MOCOS: variants seen among roughly 807,000 people sequenced by gnomAD.
MOCOS encodes human molybdenum cofactor sulfurase.
A neutral mutation model predicts 83.6 loss-of-function variants in MOCOS; 86 were observed. The observed-to-expected ratio is 1.03, with a 90% CI of 0.86 to 1.23. The LOEUF (loss-of-function observed/expected upper bound fraction) is 1.23. Among genes scored for constraint, MOCOS ranks in the 50% most tolerant of loss-of-function variants. MOCOS has a pLI of 0.00. For missense variants in MOCOS, 1,120 were observed against 1,126.9 expected (o/e 0.99, Z 0.09); for synonymous variants, 445 against 434.7 (o/e 1.02, Z -0.29).
chr18:36,208,857 C>T (rs1477767805), intron 6 of MOCOS, among the ~76,000 whole-genome samples: 2 of 152,140 alleles, frequency 1.3e-5, no homozygotes, highest in East Asian at 1.9e-4. Context: ...GAGAGGTCAT[C>T]CTTATCTTGT....
chr18:36,208,467 A>G (rs1568052534), intron 6 of MOCOS, among the ~76,000 whole-genome samples: 2 of 151,936 alleles, frequency 1.3e-5, no homozygotes, highest in South Asian at 4.2e-4. Flanking sequence ...GTGGTGTGTG[A>G]TTTCTTTTAG....
intron 11 of MOCOS, among the ~76,000 whole-genome samples, chr18:36,254,181 C>G (rs1252768266): frequency 1.3e-5 from 2 of 152,106 alleles, no homozygotes; most frequent in African/African-American, 4.8e-5. Flanking sequence ...AGCCATTGGT[C>G]TTGAAACAGT....
chr18:36,220,970 T>C (rs1268044424), intron 9 of MOCOS, among the ~76,000 whole-genome samples: 1 of 151,942 alleles, frequency 6.6e-6, no homozygotes, highest in African/African-American at 2.4e-5. Flanking sequence ...ATTAATTAGA[T>C]GATGTCCTAT....
At chr18:36,228,836 G>GAAAAA (rs34976015) in intron 9 of MOCOS, among the ~76,000 whole-genome samples, 2 of 116,418 alleles carry the variant, frequency 1.7e-5, no homozygotes, top group African/African-American at 3.3e-5. Context: ...CTTAAAAGTT[G>GAAAAA]AAAAAAAAAA....
At chr18:36,246,286 T>A (rs1202037693) in intron 9 of MOCOS, among the ~76,000 whole-genome samples, 1 of 152,234 alleles carries the variant, frequency 6.6e-6, no homozygotes. Context: ...ACTCAAGGGC[T>A]GCTATTCACA....
rs144724723 is a variant in MOCOS at position 36,269,546 on chromosome 18, T to A, written c.*861T>A. ...AAAATGTCCAGTGAGGAAATCTCAT[T>A]CTCTAATGAAGTTACCCATCCCGCT... On this transcript the variant is annotated 3_prime_UTR_variant, in exon 15 of 15. Transcript: ENST00000261326. 6.6e-6 allele frequency: 1 copy of A among 152,338 alleles called. No homozygotes were observed. The highest frequency in any genetic ancestry group is 1.5e-5 in the Non-Finnish European group (1 of 68,062). The allele number at this position is 152,338 out of a possible 1,614,324, so 9.4% of individuals were successfully genotyped here. A position where few individuals can be genotyped will look rare whatever the true frequency, so the allele number is the denominator to read the frequency against.
chr18:36,193,235 CG>C (rs2091373203), intron 1 of MOCOS, among the ~76,000 whole-genome samples: 1 of 137,468 alleles, frequency 7.3e-6, no homozygotes, highest in South Asian at 2.5e-4. Context: ...GGTGTGAACC[CG>C]GGAAGCGGAG....
chr18:36,221,573 A>G (rs978034517), intron 9 of MOCOS, among the ~76,000 whole-genome samples: 1 of 151,652 alleles, frequency 6.6e-6, no homozygotes, highest in African/African-American at 2.4e-5. Flanking sequence ...ACATTTCCAT[A>G]TATTCACGAT....
At chr18:36,240,185 C>A (rs550398686) in intron 9 of MOCOS, among the ~76,000 whole-genome samples, 155 of 138,998 alleles carry the variant, frequency 1.1e-3, no homozygotes, top group Admixed American at 3.3e-3. Context: ...TGAGGAGCTG[C>A]GTTCCTTTGG....
intron 9 of MOCOS, among the ~76,000 whole-genome samples, chr18:36,238,426 C>T (rs1339064735): frequency 5.3e-5 from 8 of 150,458 alleles, no homozygotes; most frequent in Admixed American, 1.3e-4. Context: ...TGTTCAGTTT[C>T]CATGTAGTTG....
chr18:36,198,616 A>C, intron 2 of MOCOS, 74 bp from the exon 3 acceptor site: 1 of 1,414,950 alleles, frequency 7.1e-7, no homozygotes, highest in Non-Finnish European at 1.0e-6. Flanking sequence ...AAACTGAGGG[A>C]GTGGATTCAG....
intron 1 of MOCOS, among the ~76,000 whole-genome samples, chr18:36,192,192 T>A (rs1195179294): frequency 6.6e-6 from 1 of 152,236 alleles, no homozygotes; most frequent in African/African-American, 2.4e-5. Context: ...AATAATGTAA[T>A]TTTGTGTATA....
chr18:36,213,881 A>T (rs2091465161), intron 7 of MOCOS, among the ~76,000 whole-genome samples: 1 of 150,826 alleles, frequency 6.6e-6, no homozygotes, highest in Non-Finnish European at 1.5e-5. Context: ...GTGAGCCGAG[A>T]TCGCACCATT....
chr18:36,258,901 T>G (rs1224729173), intron 12 of MOCOS, among the ~76,000 whole-genome samples: 1 of 152,162 alleles, frequency 6.6e-6, no homozygotes, highest in Non-Finnish European at 1.5e-5. Flanking sequence ...AAGAATGTAC[T>G]CCAGAAACCT....
intron 11 of MOCOS, among the ~76,000 whole-genome samples, chr18:36,251,700 C>G (rs748517181): frequency 5.9e-5 from 9 of 152,190 alleles, no homozygotes; most frequent in Non-Finnish European, 1.0e-4. Context: ...CCCATGGTGC[C>G]TCAACTTCTA....
chr18:36,194,453 T>C (rs549093484), intron 1 of MOCOS, among the ~76,000 whole-genome samples: 2 of 152,312 alleles, frequency 1.3e-5, no homozygotes, highest in African/African-American at 4.8e-5. Context: ...CATTGATGGA[T>C]ATTTAAGTTG....
intron 9 of MOCOS, among the ~76,000 whole-genome samples, chr18:36,241,900 G>T (rs2091584862): frequency 6.6e-6 from 1 of 152,220 alleles, no homozygotes; most frequent in African/African-American, 2.4e-5. Flanking sequence ...GCCACAGCTG[G>T]ATTGCGAGTG....
At position 36,200,091 on chromosome 18, in the gene MOCOS, GC is replaced by G. The variant is rs1175961463; in HGVS notation, c.709del (p.Leu237TrpfsTer7). 6.2e-7 allele frequency: 1 copy of G among 1,614,068 alleles called. No individual in the cohort carries two copies. The highest frequency in any genetic ancestry group is 1.3e-5 in the African/African-American group (1 of 74,932). ...VSTPGKWFVL[L>X]DAASYVSTSP... is the part of the protein sequence containing the mutation. ...GCACGCCTGGGAAGTGGTTTGTGCT[GC>G]TGGATGCAGCCTCCTACGTGAGCAC... On this transcript the variant is annotated frameshift_variant, in exon 4 of 15. Transcript: ENST00000261326. LOFTEE classifies it high-confidence loss of function.
intron 11 of MOCOS, among the ~76,000 whole-genome samples, chr18:36,254,625 A>G (rs1285496951): frequency 6.6e-6 from 1 of 151,368 alleles, no homozygotes; most frequent in East Asian, 1.9e-4. Context: ...ACATATATAT[A>G]TGAACGAACT....
Sources: allele counts gnomAD v4.1 joint callset (sites outside exome capture counted in the v4.1 genomes callset), GRCh38; gene constraint gnomAD v4.1.1; transcripts MANE v1.5; gene names NCBI Gene and HGNC (gene_info 2026-07-23, HGNC 2026-07-21).